The following RABGAP1L variants were observed in gnomAD, a reference collection of about 807,000 sequenced individuals.
RABGAP1L encodes rab GTPase-activating protein 1-like.
A neutral mutation model predicts 137.7 loss-of-function variants in RABGAP1L; 63 were observed. The observed-to-expected ratio is 0.46, with a 90% CI of 0.37 to 0.56. RABGAP1L has a LOEUF of 0.56. Ranked by LOEUF, RABGAP1L falls within the 20% of genes least tolerant of loss-of-function variation. The pLI is 0.00. For synonymous variants in RABGAP1L, 431 were observed against 433.7 expected (o/e 0.99, Z 0.08); for missense variants, 1,095 against 1,244.0 (o/e 0.88, Z 1.80).
chr1:174,804,240 G>T (rs1689030032), intron 18 of RABGAP1L, among the ~76,000 whole-genome samples: 1 of 143,260 alleles, frequency 7.0e-6, no homozygotes, highest in South Asian at 2.3e-4. Flanking sequence ...TTTTCCCTGC[G>T]GATGTTTTTT....
chr1:174,241,804 G>T, intron 5 of RABGAP1L, 147 bp downstream of exon 5: 3 of 761,542 alleles, frequency 3.9e-6, no homozygotes, highest in Non-Finnish European at 6.0e-6. Flanking sequence ...ACATAGAACT[G>T]AATGTGGAAA....
chr1:174,894,963 G>A (rs1558201444), intron 19 of RABGAP1L, among the ~76,000 whole-genome samples: 1 of 151,970 alleles, frequency 6.6e-6, no homozygotes, highest in Non-Finnish European at 1.5e-5. Flanking sequence ...CACCATGTTG[G>A]CCACGCTGGT....
chr1:174,320,515 G>A (rs952841576), intron 11 of RABGAP1L, among the ~76,000 whole-genome samples: 4 of 152,150 alleles, frequency 2.6e-5, no homozygotes, highest in African/African-American at 7.2e-5. Context: ...ACTGGCTATC[G>A]TGAATTGTTG....
In RABGAP1L at chr1:174,990,050, T is replaced by A; in HGVS notation, c.*49T>A. The A allele has an allele frequency of 6.9e-7, 1 of 1,459,552 alleles. No individual in the cohort carries two copies. Among genetic ancestry groups the A allele is most frequent in the Non-Finnish European group, 9.3e-7 (1 of 1,076,136 alleles). 90.4% of individuals were successfully genotyped at this position (1,459,552 alleles called of 1,614,324 possible). ...AGCACAATGTTCAAACCAATGGAAA[T>A]CTGGGAGGATTCTTCCTGGTGTCCC... On this transcript the variant is annotated 3_prime_UTR_variant, in exon 26 of 26. Coordinates refer to ENST00000681986, the MANE Select transcript of RABGAP1L (RefSeq NM_001366446.1).
At chr1:174,170,119 A>G (rs1439438910) in intron 1 of RABGAP1L, among the ~76,000 whole-genome samples, 1 of 152,238 alleles carries the variant, frequency 6.6e-6, no homozygotes, top group East Asian at 1.9e-4. Context: ...TGTGGGAGAC[A>G]GTGTAGATAG....
chr1:174,905,062 G>A (rs907956169), intron 19 of RABGAP1L, among the ~76,000 whole-genome samples: 4 of 152,130 alleles, frequency 2.6e-5, no homozygotes, highest in Non-Finnish European at 2.9e-5. Context: ...ATGCACTAGC[G>A]TCAAGGTGAA....
intron 13 of RABGAP1L, among the ~76,000 whole-genome samples, chr1:174,543,319 T>C (rs1665658339): frequency 6.6e-6 from 1 of 151,410 alleles, no homozygotes; most frequent in Non-Finnish European, 1.5e-5. Flanking sequence ...TAGTTCTTCT[T>C]GTTGAATTGA....
intron 14 of RABGAP1L, among the ~76,000 whole-genome samples, chr1:174,641,899 C>T (rs1449683897): frequency 6.6e-6 from 1 of 152,096 alleles, no homozygotes; most frequent in Non-Finnish European, 1.5e-5. Context: ...CTCTGGCTCT[C>T]AATACTAAAG....
chr1:174,672,422 A>G (rs1295035680), intron 14 of RABGAP1L, among the ~76,000 whole-genome samples: 4 of 150,844 alleles, frequency 2.7e-5, no homozygotes, highest in African/African-American at 9.8e-5. Flanking sequence ...CTGGGATTAC[A>G]GGTTTTTGTT....
chr1:174,651,546 T>C (rs560470849), intron 14 of RABGAP1L, among the ~76,000 whole-genome samples: 1 of 152,334 alleles, frequency 6.6e-6, no homozygotes, highest in East Asian at 1.9e-4. Context: ...ATATTTAGGA[T>C]AGTTAGCTCT....
intron 23 of RABGAP1L, among the ~76,000 whole-genome samples, chr1:174,980,561 C>T (rs2149384863): frequency 6.6e-6 from 1 of 152,228 alleles, no homozygotes; most frequent in South Asian, 2.1e-4. Context: ...AAAGAGAGAA[C>T]AGGATGTGCA....
intron 18 of RABGAP1L, among the ~76,000 whole-genome samples, chr1:174,790,324 T>A (rs1687755171): frequency 6.6e-6 from 1 of 151,988 alleles, no homozygotes; most frequent in Non-Finnish European, 1.5e-5. Flanking sequence ...ATAAAGATAG[T>A]AAGAGAGAAG....
At chr1:174,315,440 A>G (rs1038310124) in intron 11 of RABGAP1L, among the ~76,000 whole-genome samples, 1 of 152,010 alleles carries the variant, frequency 6.6e-6, no homozygotes, top group African/African-American at 2.4e-5. Context: ...TTGCTTTTTC[A>G]TTCATTTAGC....
chr1:174,976,018 A>G, intron 21 of RABGAP1L, 60 bp from the exon 22 acceptor site: 1 of 1,421,510 alleles, frequency 7.0e-7, no homozygotes, highest in Non-Finnish European at 9.6e-7. Context: ...AGATTTCCAC[A>G]CACTTTCTTT....
At chr1:174,629,723 C>G (rs1447886545) in intron 13 of RABGAP1L, among the ~76,000 whole-genome samples, 2 of 152,086 alleles carry the variant, frequency 1.3e-5, no homozygotes, top group Admixed American at 1.3e-4. Context: ...CTGGGTTTCA[C>G]CGTGTTGCCA....
intron 17 of RABGAP1L, among the ~76,000 whole-genome samples, chr1:174,737,752 A>G (rs1190253941): frequency 2.6e-5 from 4 of 152,234 alleles, no homozygotes; most frequent in Non-Finnish European, 5.9e-5. Flanking sequence ...CTGTACAGGC[A>G]TGGCACCAAC....
chr1:174,984,371 T>G (rs1671411940), intron 24 of RABGAP1L, among the ~76,000 whole-genome samples: 2 of 152,330 alleles, frequency 1.3e-5, no homozygotes, highest in South Asian at 4.1e-4. Flanking sequence ...AAATTACACA[T>G]GAAAAGGAGC....
intron 18 of RABGAP1L, among the ~76,000 whole-genome samples, chr1:174,755,151 T>C (rs548470483): frequency 6.6e-6 from 1 of 152,280 alleles, no homozygotes; most frequent in South Asian, 2.1e-4. Context: ...TAGGATGAAT[T>C]CTGTGTTGCT....
At chr1:174,764,689 C>T (rs1044990707) in intron 18 of RABGAP1L, among the ~76,000 whole-genome samples, 3 of 152,200 alleles carry the variant, frequency 2.0e-5, no homozygotes, top group African/African-American at 7.2e-5. Flanking sequence ...TAGCTCATTG[C>T]AACCTCCAAT....
Sources: allele counts gnomAD v4.1 joint callset (sites outside exome capture counted in the v4.1 genomes callset), GRCh38; gene constraint gnomAD v4.1.1; transcripts MANE v1.5; gene names NCBI Gene and HGNC (gene_info 2026-07-23, HGNC 2026-07-21).